RANBP2: variants seen among roughly 807,000 people sequenced by gnomAD.
RANBP2 encodes the protein RAN binding protein 2.
RANBP2 carries 57 observed loss-of-function variants against 303.6 expected under a neutral mutation model. The ratio of observed to expected loss-of-function variants is 0.19; its 90% CI spans 0.15 to 0.23. RANBP2 has a LOEUF of 0.23. Among genes scored for constraint, RANBP2 ranks in the 10% least tolerant of loss-of-function variants. The probability of loss-of-function intolerance (pLI) is 1.00; values close to 1 mark genes in which losing one functional copy is unlikely to be tolerated. For missense variants in RANBP2, 3,138 were observed against 3,780.8 expected (o/e 0.83, Z 4.46); for synonymous variants, 1,167 against 1,301.5 (o/e 0.90, Z 2.23).
intron 8 of RANBP2, among the ~76,000 whole-genome samples, chr2:108,747,880 C>T (rs1047035554): frequency 2.0e-5 from 3 of 152,178 alleles, no homozygotes; most frequent in African/African-American, 4.8e-5. Flanking sequence ...TAGAGTATTA[C>T]CACTGTCACC....
the RANBP2 span, among the ~76,000 whole-genome samples, chr2:109,538,710 G>C: frequency 6.6e-6 from 1 of 152,150 alleles, no homozygotes; most frequent in Admixed American, 6.5e-5. Context: ...AGTAGAGACG[G>C]GGTTTCGCCA....
the RANBP2 span, among the ~76,000 whole-genome samples, chr2:109,365,224 A>G: frequency 2.0e-5 from 3 of 152,134 alleles, no homozygotes; most frequent in South Asian, 2.1e-4. Context: ...GATATTCACT[A>G]TGAAGACTTA....
the RANBP2 span, among the ~76,000 whole-genome samples, chr2:109,327,777 A>C: frequency 3.9e-5 from 6 of 152,282 alleles, no homozygotes; most frequent in Non-Finnish European, 7.3e-5. Context: ...CTACTTGTGC[A>C]TGGTAGATAG....
intron 20 of RANBP2, among the ~76,000 whole-genome samples, chr2:108,768,779 T>C (rs1325577092): frequency 6.6e-6 from 1 of 152,162 alleles, no homozygotes; most frequent in Non-Finnish European, 1.5e-5. Flanking sequence ...ACTCCTAGAA[T>C]GCCAGCACTT....
chr2:109,237,426 G>A, the RANBP2 span, among the ~76,000 whole-genome samples: 2 of 152,210 alleles, frequency 1.3e-5, no homozygotes, highest in South Asian at 4.1e-4. Flanking sequence ...TATGGAGAAG[G>A]TTGGTGGAAG....
At chr2:109,665,384 C>A in the RANBP2 span, 4 of 148,666 alleles carry the variant, frequency 2.7e-5, no homozygotes, top group Non-Finnish European at 4.4e-5. Flanking sequence ...CTCTCGTTGC[C>A]CAGGCTGGAG....
chr2:108,870,302 G>T, the RANBP2 span, among the ~76,000 whole-genome samples: 2 of 152,150 alleles, frequency 1.3e-5, no homozygotes, highest in African/African-American at 4.8e-5. Context: ...TATTTGAAAT[G>T]ATCAAGTCCG....
chr2:109,616,382 C>G, the RANBP2 span: 1 of 213,852 alleles, frequency 4.7e-6, no homozygotes, highest in Non-Finnish European at 1.0e-5. Context: ...AGTTCCTTTG[C>G]TTTAACCATT....
the RANBP2 span, among the ~76,000 whole-genome samples, chr2:108,792,957 G>A: frequency 2.6e-5 from 4 of 151,614 alleles, no homozygotes; most frequent in South Asian, 2.1e-4. Context: ...CCAGTTACTC[G>A]GGAGGCTGAG....
chr2:109,580,300 C>T, the RANBP2 span, among the ~76,000 whole-genome samples: 1 of 149,204 alleles, frequency 6.7e-6, no homozygotes, highest in Non-Finnish European at 1.5e-5. Context: ...TACTCTAACT[C>T]ACCTTACTAA....
the RANBP2 span, among the ~76,000 whole-genome samples, chr2:109,252,692 C>T: frequency 2.0e-5 from 3 of 152,224 alleles, no homozygotes; most frequent in Non-Finnish European, 4.4e-5. Flanking sequence ...GCCTAGCCTA[C>T]TTTAAATGTA....
At chr2:109,121,292 AAC>A in the RANBP2 span, among the ~76,000 whole-genome samples, 20 of 128,724 alleles carry the variant, frequency 1.6e-4, no homozygotes, top group South Asian at 5.2e-3. Flanking sequence ...AACAAAACAA[AAC>A]AAGAAGTGAA....
chr2:109,656,629 C>A, the RANBP2 span, among the ~76,000 whole-genome samples: 1 of 152,176 alleles, frequency 6.6e-6, no homozygotes, highest in African/African-American at 2.4e-5. Flanking sequence ...CATGAGCCAC[C>A]GCACCTGGCC....
the RANBP2 span, among the ~76,000 whole-genome samples, chr2:108,946,110 C>A: frequency 3.3e-5 from 5 of 152,168 alleles, no homozygotes; most frequent in Non-Finnish European, 7.3e-5. Flanking sequence ...AAGGACACAC[C>A]AGCCCCTCCT....
chr2:108,853,878 AATAT>A, the RANBP2 span, among the ~76,000 whole-genome samples: 49 of 124,846 alleles, frequency 3.9e-4, no homozygotes, highest in African/African-American at 1.5e-3. Flanking sequence ...TATACTATAT[AATAT>A]ATTATATAGT....
chr2:108,901,979 C>A, the RANBP2 span, among the ~76,000 whole-genome samples: 1 of 152,120 alleles, frequency 6.6e-6, no homozygotes, highest in Non-Finnish European at 1.5e-5. Flanking sequence ...GTGGCTCAAG[C>A]CTGTAATCCC....
At chr2:108,988,124 G>C in the RANBP2 span, among the ~76,000 whole-genome samples, 1,089 of 152,288 alleles carry the variant, frequency 7.2e-3, 9 homozygotes, top group South Asian at 0.028. Context: ...GTGTGGGATT[G>C]CCCACTGACC....
chr2:109,225,737 A>G, the RANBP2 span, among the ~76,000 whole-genome samples: 2 of 152,218 alleles, frequency 1.3e-5, no homozygotes, highest in Non-Finnish European at 2.9e-5. Context: ...TTTAAGATTT[A>G]TTTTTATAAG....
the RANBP2 span, among the ~76,000 whole-genome samples, chr2:108,931,759 A>T: frequency 1.3e-5 from 2 of 151,236 alleles, no homozygotes; most frequent in Admixed American, 1.3e-4. Flanking sequence ...TCACTTTCTG[A>T]ATGGAGACCT....
Sources: allele counts gnomAD v4.1 joint callset (sites outside exome capture counted in the v4.1 genomes callset), GRCh38; gene constraint gnomAD v4.1.1; transcripts MANE v1.5; gene names NCBI Gene and HGNC (gene_info 2026-07-23, HGNC 2026-07-21).